Variants in PARD3B observed in about 807,000 individuals in gnomAD.
PARD3B encodes par-3 family cell polarity regulator beta.
In PARD3B, 103 loss-of-function variants were observed where a neutral mutation model predicts 130.2. That is an observed-to-expected ratio of 0.79 (90% CI 0.67 to 0.93). The LOEUF (loss-of-function observed/expected upper bound fraction) is 0.93, where lower values mean the gene tolerates loss of function less well. Ranked by LOEUF, PARD3B falls within the 40% of genes least tolerant of loss-of-function variation. The pLI is 0.00. For synonymous variants in PARD3B, 583 were observed against 553.2 expected (o/e 1.05, Z -0.76); for missense variants, 1,609 against 1,499.2 (o/e 1.07, Z -1.21).
At chr2:204,718,801 G>A (rs976294959) in intron 2 of PARD3B, among the ~76,000 whole-genome samples, 1 of 152,210 alleles carries the variant, frequency 6.6e-6, no homozygotes, top group Non-Finnish European at 1.5e-5. Flanking sequence ...TTTGAGATAT[G>A]TGTATCCCTG....
intron 18 of PARD3B, among the ~76,000 whole-genome samples, chr2:205,389,770 A>G (rs1168206761): frequency 1.3e-5 from 2 of 152,226 alleles, no homozygotes; most frequent in South Asian, 2.1e-4. Context: ...TAAGGAGGCC[A>G]TAATTTCTGA....
chr2:204,803,327 TAGG>T (rs1000952555), intron 2 of PARD3B, among the ~76,000 whole-genome samples: 1 of 151,658 alleles, frequency 6.6e-6, no homozygotes, highest in African/African-American at 2.4e-5. Context: ...TAATAAACAA[TAGG>T]AAATCATCTG....
intron 3 of PARD3B, among the ~76,000 whole-genome samples, chr2:205,037,263 G>A (rs1488342168): frequency 8.3e-5 from 12 of 144,964 alleles, no homozygotes; most frequent in Non-Finnish European, 1.7e-4. Context: ...ATATATAGTG[G>A]ACTATTTGTA....
chr2:205,337,538 C>G (rs1319478387), intron 18 of PARD3B, among the ~76,000 whole-genome samples: 1 of 152,130 alleles, frequency 6.6e-6, no homozygotes, highest in African/African-American at 2.4e-5. Context: ...ACCCTATGCT[C>G]TTTGACTTTT....
In PARD3B at chr2:204,545,881, G is replaced by A. The variant is rs1018610051; in HGVS notation, c.-119G>A. On this transcript the variant is annotated 5_prime_UTR_variant, in exon 1 of 23. Coordinates refer to ENST00000406610, the MANE Select transcript of PARD3B (RefSeq NM_001302769.2). ...AGCCTCCGGGCCTCAGGGTGTTCCG[G>A]GGAGCGGCGCCCCGGGTCTCTGGGC... The A allele has an allele frequency of 2.4e-5, 28 of 1,183,740 alleles. No individual in the cohort carries two copies. Among genetic ancestry groups the A allele is most frequent in the Non-Finnish European group, 3.0e-5 (27 of 892,836 alleles). The allele number at this position is 1,183,740 out of a possible 1,614,324, so 73.3% of individuals were successfully genotyped here.
chr2:205,123,455 T>C (rs994192542), intron 8 of PARD3B, among the ~76,000 whole-genome samples: 2 of 151,934 alleles, frequency 1.3e-5, no homozygotes, highest in Non-Finnish European at 2.9e-5. Context: ...GTCTCTTTCA[T>C]TGGAAGATAT....
intron 2 of PARD3B, among the ~76,000 whole-genome samples, chr2:204,904,382 A>G (rs1265153033): frequency 1.3e-5 from 2 of 152,192 alleles, no homozygotes; most frequent in Non-Finnish European, 2.9e-5. Context: ...CTAACCTGTT[A>G]ATAATCTACT....
chr2:205,051,483 T>A (rs1444616578), intron 4 of PARD3B, among the ~76,000 whole-genome samples: 2 of 152,198 alleles, frequency 1.3e-5, no homozygotes, highest in African/African-American at 4.8e-5. Flanking sequence ...AACTTACTTA[T>A]AACCCACAGC....
chr2:205,037,499 T>G (rs984181666), intron 3 of PARD3B, among the ~76,000 whole-genome samples: 3 of 147,904 alleles, frequency 2.0e-5, no homozygotes, highest in African/African-American at 7.4e-5. Context: ...ATATAAAATA[T>G]ATAGTGGACT....
intron 4 of PARD3B, among the ~76,000 whole-genome samples, chr2:205,081,472 C>T (rs183030523): frequency 5.9e-5 from 9 of 151,984 alleles, no homozygotes; most frequent in East Asian, 1.9e-4. Context: ...GAAATGGTGA[C>T]GATCTTCTCA....
chr2:205,552,997 T>C (rs1442657624), intron 21 of PARD3B, among the ~76,000 whole-genome samples: 1 of 150,068 alleles, frequency 6.7e-6, no homozygotes, highest in African/African-American at 2.4e-5. Context: ...CTAAAACTAT[T>C]CTAAAAACTA....
chr2:205,046,707 T>G (rs1575631277), intron 3 of PARD3B, among the ~76,000 whole-genome samples: 1 of 152,304 alleles, frequency 6.6e-6, no homozygotes, highest in East Asian at 1.9e-4. Context: ...ATTTCAACTG[T>G]TTTCTACTCT....
In PARD3B at chr2:205,575,369, T is replaced by C. The variant is rs1193631031; in HGVS notation, c.3260+21966T>C. On this transcript the variant is annotated intron_variant, in intron 22 of 22. Coordinates refer to ENST00000406610, the MANE Select transcript of PARD3B (RefSeq NM_001302769.2). This position sits in a 1 kb window ranked among gnomAD's most constrained non-coding sequence, Gnocchi z 4.6. ...ACTGTTACATCTGATGACCCTGCAT[T>C]GACACATCATAATCACCCAAAGCCC... 6.6e-6 allele frequency among the ~76,000 whole-genome samples: 1 copy of C among 151,750 alleles called. No homozygotes were observed. The highest frequency in any genetic ancestry group is 1.9e-4 in the East Asian group (1 of 5,158).
At chr2:204,952,965 C>G (rs1486593889) in intron 2 of PARD3B, among the ~76,000 whole-genome samples, 1 of 148,884 alleles carries the variant, frequency 6.7e-6, no homozygotes, top group African/African-American at 2.5e-5. Context: ...CTACTGCACT[C>G]CAGCCTGGGC....
In PARD3B at chr2:205,349,165, G is replaced by A. The variant is rs140951882; in HGVS notation, c.2630+47464G>A. On this transcript the variant is annotated intron_variant, in intron 18 of 22. Coordinates refer to ENST00000406610, the MANE Select transcript of PARD3B (RefSeq NM_001302769.2). The stretch of plus-strand genomic sequence containing the variant: ...TGATGCCTGTACTTTGGGGCAGAAA[G>A]ATAGAAAAAGATATCTGAAAAGGGT... Among the ~76,000 whole-genome samples the A allele has an allele frequency of 2.0e-5, 3 of 152,278 alleles. No homozygotes were observed. The East Asian group carries it at 5.8e-4, about 29-fold the overall frequency.
At chr2:204,783,929 C>A (rs752386681) in intron 2 of PARD3B, among the ~76,000 whole-genome samples, 3 of 151,870 alleles carry the variant, frequency 2.0e-5, no homozygotes, top group Admixed American at 1.3e-4. Context: ...TAGTTTCCAG[C>A]GTTTTTTTTT....
intron 2 of PARD3B, among the ~76,000 whole-genome samples, chr2:204,937,417 T>C (rs1688550768): frequency 6.6e-6 from 1 of 152,208 alleles, no homozygotes; most frequent in Admixed American, 6.5e-5. Flanking sequence ...GTTTCCCTTC[T>C]CTTGTTTGTT....
chr2:204,969,917 G>T (rs1016934118), intron 3 of PARD3B, among the ~76,000 whole-genome samples: 15 of 140,992 alleles, frequency 1.1e-4, no homozygotes, highest in Non-Finnish European at 2.1e-4. Context: ...TTCTCATCCC[G>T]TGTGTGTGTG....
At chr2:205,500,895 T>C (rs1356900349) in intron 21 of PARD3B, among the ~76,000 whole-genome samples, 1 of 152,198 alleles carries the variant, frequency 6.6e-6, no homozygotes, top group Non-Finnish European at 1.5e-5. Flanking sequence ...TGCCTTCTAC[T>C]GCGCCTTTTA....
Sources: allele counts gnomAD v4.1 joint callset (sites outside exome capture counted in the v4.1 genomes callset), GRCh38; gene constraint gnomAD v4.1.1; non-coding constraint Gnocchi (gnomAD v3.1); transcripts MANE v1.5; gene names NCBI Gene and HGNC (gene_info 2026-07-23, HGNC 2026-07-21).